The following TAFA5 variants were observed in gnomAD, a reference collection of about 807,000 sequenced individuals.
The protein encoded by TAFA5 is TAFA chemokine like family member 5.
A neutral mutation model predicts 15.3 loss-of-function variants in TAFA5; 6 were observed. The ratio of observed to expected loss-of-function variants is 0.39; its 90% CI spans 0.21 to 0.77. The LOEUF (loss-of-function observed/expected upper bound fraction) is 0.77. Among genes scored for constraint, TAFA5 ranks in the 30% least tolerant of loss-of-function variants. The pLI, the probability that TAFA5 is intolerant of heterozygous loss-of-function variation, is 0.41. For missense variants in TAFA5, 161 were observed against 193.1 expected (o/e 0.83, Z 0.98); for synonymous variants, 103 against 80.7 (o/e 1.28, Z -1.48).
At chr22:48,737,919 G>A (rs951548917) in intron 3 of TAFA5, among the ~76,000 whole-genome samples, 2 of 152,130 alleles carry the variant, frequency 1.3e-5, no homozygotes, top group African/African-American at 2.4e-5. Context: ...TGAGGGCCGC[G>A]GTCACTGTGC....
rs141658922 is a variant in TAFA5, at chr22:48,538,311, G to A, written c.112+48607G>A. 6.6e-5 allele frequency among the ~76,000 whole-genome samples: 10 copies of A among 152,316 alleles called. No individual in the cohort carries two copies. In the East Asian group the frequency reaches 9.7e-4, roughly 15 times the overall value. ...AGTCCTGGGCAAGGGGCTGAGGGCC[G>A]CTGCCCCGAGCCCTGCCCTCAGGCT... On this transcript the variant is annotated intron_variant, in intron 1 of 3. Coordinates refer to ENST00000402357, the MANE Select transcript of TAFA5 (RefSeq NM_001082967.3).
intron 1 of TAFA5, among the ~76,000 whole-genome samples, chr22:48,506,986 G>T (rs995240324): frequency 5.9e-5 from 9 of 152,230 alleles, no homozygotes; most frequent in Admixed American, 1.3e-4. Flanking sequence ...ACTGGGCACC[G>T]AGTGGCATGG....
At chr22:48,517,601 G>T (rs1203993115) in intron 1 of TAFA5, among the ~76,000 whole-genome samples, 1 of 152,184 alleles carries the variant, frequency 6.6e-6, no homozygotes, top group Non-Finnish European at 1.5e-5. Flanking sequence ...CCGCGTACGG[G>T]CATCCGGGTT....
chr22:48,646,075 A>T (rs1861345140), intron 1 of TAFA5, among the ~76,000 whole-genome samples: 1 of 152,164 alleles, frequency 6.6e-6, no homozygotes, highest in South Asian at 2.1e-4. Flanking sequence ...CAGGCATGGC[A>T]GTTCCTCCCT....
chr22:48,675,028 G>A (rs559115174), intron 2 of TAFA5, among the ~76,000 whole-genome samples: 113 of 150,616 alleles, frequency 7.5e-4, no homozygotes, highest in Non-Finnish European at 1.4e-3. Flanking sequence ...TGCACCCTCC[G>A]CCTCCTGGGT....
At chr22:48,656,058 G>A (rs1317206760) in intron 2 of TAFA5, among the ~76,000 whole-genome samples, 1 of 151,394 alleles carries the variant, frequency 6.6e-6, no homozygotes, top group Non-Finnish European at 1.5e-5. Flanking sequence ...TGGCCAGGCT[G>A]GTGTTGAACT....
intron 1 of TAFA5, among the ~76,000 whole-genome samples, chr22:48,638,353 C>G (rs1926530121): frequency 6.1e-5 from 1 of 16,376 alleles, no homozygotes; most frequent in Non-Finnish European, 9.1e-5. Context: ...ACAGGCAATA[C>G]CACCCCCCCC....
At chr22:48,693,149 C>T (rs907172800) in intron 2 of TAFA5, 4 of 767,714 alleles carry the variant, frequency 5.2e-6, no homozygotes, top group Middle Eastern at 3.0e-4. Flanking sequence ...GACCTCGAGT[C>T]GAAGCCTCTG....
At chr22:48,733,142 A>C (rs1188614327) in intron 3 of TAFA5, among the ~76,000 whole-genome samples, 4 of 152,224 alleles carry the variant, frequency 2.6e-5, no homozygotes, top group Non-Finnish European at 5.9e-5. Context: ...TGTATTTCAA[A>C]ATCAGGTAGA....
intron 2 of TAFA5, among the ~76,000 whole-genome samples, chr22:48,660,294 T>C (rs983969721): frequency 6.6e-6 from 1 of 152,198 alleles, no homozygotes; most frequent in African/African-American, 2.4e-5. Context: ...AAGTGGCGCT[T>C]GAGCACAGTT....
chr22:48,601,072 C>T (rs932820858), intron 1 of TAFA5, among the ~76,000 whole-genome samples: 3 of 152,220 alleles, frequency 2.0e-5, no homozygotes, highest in Non-Finnish European at 2.9e-5. Flanking sequence ...GAGAGACTCA[C>T]GTGTACACGG....
chr22:48,585,877 T>C (rs1601596917), intron 1 of TAFA5, among the ~76,000 whole-genome samples: 1 of 151,998 alleles, frequency 6.6e-6, no homozygotes, highest in East Asian at 1.9e-4. Flanking sequence ...ATACACCACA[T>C]GCATGTTATA....
chr22:48,736,855 C>G (rs568403923), intron 3 of TAFA5, among the ~76,000 whole-genome samples: 2 of 152,156 alleles, frequency 1.3e-5, no homozygotes, highest in Non-Finnish European at 2.9e-5. Flanking sequence ...TGGTTGCTGA[C>G]GGGTATGGCG....
intron 2 of TAFA5, among the ~76,000 whole-genome samples, chr22:48,688,905 T>C (rs769508728): frequency 1.4e-5 from 2 of 147,068 alleles, no homozygotes; most frequent in Non-Finnish European, 3.0e-5. Context: ...GGCAGGAGAA[T>C]CACTTGAACC....
chr22:48,633,065 C>A (rs570964816), intron 1 of TAFA5, among the ~76,000 whole-genome samples: 1 of 152,294 alleles, frequency 6.6e-6, no homozygotes, highest in East Asian at 1.9e-4. Context: ...GGCCAGGCCC[C>A]ATGGAGGCAA....
chr22:48,539,810 AC>A (rs1922297761), intron 1 of TAFA5, among the ~76,000 whole-genome samples: 1 of 152,206 alleles, frequency 6.6e-6, no homozygotes, highest in Non-Finnish European at 1.5e-5. Flanking sequence ...AGGACGTGAT[AC>A]GTCGGCTGAG....
intron 1 of TAFA5, among the ~76,000 whole-genome samples, chr22:48,614,893 G>A (rs978371603): frequency 3.9e-5 from 6 of 152,196 alleles, no homozygotes; most frequent in Admixed American, 6.5e-5. Flanking sequence ...AGAGAAGGCC[G>A]GGCATGGGGT....
intron 1 of TAFA5, among the ~76,000 whole-genome samples, chr22:48,645,794 A>G (rs1349027626): frequency 6.6e-6 from 1 of 152,024 alleles, no homozygotes; most frequent in Non-Finnish European, 1.5e-5. Flanking sequence ...GCATGTCCTC[A>G]TGTGCTGCTG....
At chr22:48,704,494 C>A (rs1029326531) in intron 2 of TAFA5, among the ~76,000 whole-genome samples, 1 of 152,158 alleles carries the variant, frequency 6.6e-6, no homozygotes, top group Non-Finnish European at 1.5e-5. Flanking sequence ...CCACTCATGG[C>A]GCCATCCCCT....
Sources: allele counts gnomAD v4.1 joint callset (sites outside exome capture counted in the v4.1 genomes callset), GRCh38; gene constraint gnomAD v4.1.1; transcripts MANE v1.5; gene names NCBI Gene and HGNC (gene_info 2026-07-23, HGNC 2026-07-21).